The following POU2AF3 variants were observed in gnomAD, a reference collection of about 807,000 sequenced individuals.
POU2AF3 encodes POU class 2 homeobox associating factor 3, also known as cancer susceptibility candidate 13.
At chr11:111,298,835 C>G in the POU2AF3 span, 3 of 824,880 alleles carry the variant, frequency 3.6e-6, no homozygotes, top group Admixed American at 4.5e-5. Flanking sequence ...GGCCCCCGCC[C>G]GCCCTCCCAC....
the POU2AF3 span, among the ~76,000 whole-genome samples, chr11:111,303,908 A>T: frequency 6.6e-5 from 10 of 151,818 alleles, no homozygotes; most frequent in Admixed American, 5.2e-4. Flanking sequence ...AAAAAAAAAA[A>T]TCCTAAATTA....
At chr11:111,305,002 A>G in the POU2AF3 span, 1 of 1,227,356 alleles carries the variant, frequency 8.1e-7, no homozygotes, top group Non-Finnish European at 1.0e-6. Context: ...GCCAGCATTA[A>G]CAGTTCCCTC....
chr11:111,306,431 C>T, the POU2AF3 span: 3 of 1,478,356 alleles, frequency 2.0e-6, no homozygotes, highest in Non-Finnish European at 2.7e-6. Context: ...CTTCCACGCC[C>T]AATTATTTGC....
At chr11:111,304,365 C>G in the POU2AF3 span, among the ~76,000 whole-genome samples, 35 of 152,194 alleles carry the variant, frequency 2.3e-4, no homozygotes, top group East Asian at 5.6e-3. Flanking sequence ...TAATAGGAAG[C>G]CTTTTGCTGC....
chr11:111,298,944 G>A, the POU2AF3 span: 4 of 1,037,872 alleles, frequency 3.9e-6, no homozygotes, highest in Non-Finnish European at 4.6e-6. Context: ...TGGGACGGGG[G>A]CAGAGCGCAC....
the POU2AF3 span, chr11:111,299,257 T>C: frequency 1.0e-6 from 1 of 986,412 alleles, no homozygotes; most frequent in Non-Finnish European, 1.2e-6. Flanking sequence ...TGGCACTATC[T>C]CCAGGCGTCC....
the POU2AF3 span, among the ~76,000 whole-genome samples, chr11:111,301,026 G>A: frequency 1.3e-5 from 2 of 152,154 alleles, no homozygotes; most frequent in South Asian, 4.1e-4. Flanking sequence ...TTCCAGGATA[G>A]CATCTGTGTG....
At chr11:111,306,910 T>C in the POU2AF3 span, among the ~76,000 whole-genome samples, 1 of 152,204 alleles carries the variant, frequency 6.6e-6, no homozygotes, top group African/African-American at 2.4e-5. Context: ...GCAATATTCA[T>C]TTAATGTTTT....
chr11:111,308,083 T>C, the POU2AF3 span: 7 of 1,504,614 alleles, frequency 4.7e-6, no homozygotes, highest in Non-Finnish European at 6.2e-6. Context: ...CAGGATCACC[T>C]TCAAATTCCT....
chr11:111,308,107 C>A, the POU2AF3 span: 3 of 1,534,150 alleles, frequency 2.0e-6, no homozygotes, highest in Non-Finnish European at 2.6e-6. Flanking sequence ...TTCTCTCTGG[C>A]TCCTTAGACT....
the POU2AF3 span, among the ~76,000 whole-genome samples, chr11:111,303,111 G>A: frequency 2.0e-5 from 3 of 152,204 alleles, no homozygotes; most frequent in South Asian, 2.1e-4. Context: ...GAAGTTATAG[G>A]TTGAGACAGA....
At chr11:111,298,577 C>A in the POU2AF3 span, 1 of 1,246,630 alleles carries the variant, frequency 8.0e-7, no homozygotes. Flanking sequence ...CTCCTGCTGA[C>A]CACGATGTCG....
the POU2AF3 span, chr11:111,299,969 C>A: frequency 2.5e-6 from 1 of 400,070 alleles, no homozygotes; most frequent in Non-Finnish European, 4.4e-6. Flanking sequence ...GGCTTCCAGA[C>A]CAAGGGCACG....
chr11:111,308,174 GCTT>G, the POU2AF3 span: 1 of 1,551,756 alleles, frequency 6.4e-7, no homozygotes, highest in Non-Finnish European at 8.7e-7. Context: ...CAATTCCCCT[GCTT>G]CTCTGGACAC....
At chr11:111,308,096 A>G in the POU2AF3 span, 2 of 1,518,776 alleles carry the variant, frequency 1.3e-6, no homozygotes, top group Non-Finnish European at 1.8e-6. Flanking sequence ...AAATTCCTCC[A>G]TTCTCTCTGG....
At chr11:111,299,837 C>A in the POU2AF3 span, 2 of 780,298 alleles carry the variant, frequency 2.6e-6, no homozygotes, top group Non-Finnish European at 3.5e-6. Flanking sequence ...GGGCAGAAGG[C>A]AAAGACAGAA....
the POU2AF3 span, chr11:111,300,122 G>A: frequency 2.6e-6 from 1 of 381,326 alleles, no homozygotes; most frequent in East Asian, 3.8e-5. Context: ...CCCAGGCCTG[G>A]CCCCTCCCCA....
chr11:111,301,375 A>G, the POU2AF3 span, among the ~76,000 whole-genome samples: 1 of 152,204 alleles, frequency 6.6e-6, no homozygotes, highest in African/African-American at 2.4e-5. Flanking sequence ...AGCCTCAATC[A>G]TACAATTGCT....
At chr11:111,308,112 T>C in the POU2AF3 span, 1 of 1,542,100 alleles carries the variant, frequency 6.5e-7, no homozygotes, top group Non-Finnish European at 8.8e-7. Context: ...TCTGGCTCCT[T>C]AGACTACAGT....
Sources: gnomAD v4.1 joint callset for allele counts (sites outside exome capture counted in the v4.1 genomes callset) on GRCh38, gnomAD v4.1.1 for gene constraint, MANE v1.5 for transcripts, NCBI Gene and HGNC (gene_info 2026-07-23, HGNC 2026-07-21) for gene names.